Variants in ATL1 observed in about 807,000 individuals in gnomAD.
ATL1 encodes the protein atlastin GTPase 1.
Under a neutral mutation model 75.5 loss-of-function variants are expected in ATL1, and 31 were observed. That is an observed-to-expected ratio of 0.41 (90% CI 0.31 to 0.55). ATL1 has a LOEUF of 0.55. Among genes scored for constraint, ATL1 ranks in the 20% least tolerant of loss-of-function variants. The pLI, the probability that ATL1 is intolerant of heterozygous loss-of-function variation, is 0.27. For missense variants in ATL1, 405 were observed against 662.6 expected, an observed-to-expected ratio of 0.61 and a Z score of 4.27; for synonymous variants, 226 against 233.3, an observed-to-expected ratio of 0.97 and a Z score of 0.28.
intron 6 of ATL1, among the ~76,000 whole-genome samples, chr14:50,601,591 C>A (rs2039272325): frequency 6.6e-6 from 1 of 152,132 alleles, no homozygotes. Flanking sequence ...TTTTTTGCAA[C>A]CTCTAATGAG....
At chr14:50,611,227 A>G (rs913514024) in intron 6 of ATL1, among the ~76,000 whole-genome samples, 8 of 152,078 alleles carry the variant, frequency 5.3e-5, no homozygotes, top group African/African-American at 1.7e-4. Flanking sequence ...GACCTTTCCA[A>G]TTACAGAACC....
intron 1 of ATL1, among the ~76,000 whole-genome samples, chr14:50,536,171 G>A (rs768896123): frequency 2.0e-5 from 3 of 152,184 alleles, no homozygotes; most frequent in South Asian, 4.1e-4. Context: ...GAGGTCTGGC[G>A]CCATGGCCCA....
Position 50,632,571 on chromosome 14 carries a change from T to C in ATL1, c.*232T>C, listed in dbSNP as rs2039593417. 6 of 404,462 alleles carry C rather than the reference T, an allele frequency of 1.5e-5. No homozygotes were observed. Among genetic ancestry groups the C allele is most frequent in the Non-Finnish European group, 2.3e-5 (5 of 215,112 alleles). The allele number at this position is 404,462 out of a possible 1,614,324, so 25.1% of individuals were successfully genotyped here. A position where few individuals can be genotyped will look rare whatever the true frequency, so the allele number is the denominator to read the frequency against. ...CAATTTCCTGATTTTTCTTCAAAAA[T>C]GCTGTTATAAAGTATTTGTCTATTT... On this transcript the variant is annotated 3_prime_UTR_variant, in exon 14 of 14. Transcript: ENST00000358385.
At chr14:50,610,110 A>G (rs2039349974) in intron 6 of ATL1, among the ~76,000 whole-genome samples, 1 of 152,210 alleles carries the variant, frequency 6.6e-6, no homozygotes, top group East Asian at 1.9e-4. Flanking sequence ...CCCCTTAAGA[A>G]GAAAATGAAA....
chr14:50,599,501 G>C (rs1050609714), intron 6 of ATL1, among the ~76,000 whole-genome samples: 7 of 152,166 alleles, frequency 4.6e-5, no homozygotes, highest in African/African-American at 1.7e-4. Context: ...CCATGGAGCA[G>C]AGGAAATATA....
chr14:50,558,599 A>G (rs1237824162), upstream of ATL1, among the ~76,000 whole-genome samples: 1 of 152,228 alleles, frequency 6.6e-6, no homozygotes, highest in Non-Finnish European at 1.5e-5. Context: ...GTTTTTAAAA[A>G]ATTAATTTCT....
At chr14:50,539,942 C>T (rs1193410727) in intron 1 of ATL1, among the ~76,000 whole-genome samples, 1 of 152,134 alleles carries the variant, frequency 6.6e-6, no homozygotes, top group Non-Finnish European at 1.5e-5. Flanking sequence ...CTGTTATAGT[C>T]ATTCTGCTTA....
At chr14:50,617,427 G>A (rs1323503816) in intron 8 of ATL1, among the ~76,000 whole-genome samples, 1 of 152,156 alleles carries the variant, frequency 6.6e-6, no homozygotes, top group Non-Finnish European at 1.5e-5. Flanking sequence ...GAATGAGCAG[G>A]TAGCCACATT....
At chr14:50,583,089 G>A (rs915898130) in intron 1 of ATL1, among the ~76,000 whole-genome samples, 1 of 152,006 alleles carries the variant, frequency 6.6e-6, no homozygotes, top group African/African-American at 2.4e-5. Context: ...ACCAAACCAA[G>A]CCCAACAAAA....
intron 6 of ATL1, among the ~76,000 whole-genome samples, chr14:50,598,429 C>G (rs778528481): frequency 6.6e-6 from 1 of 151,870 alleles, no homozygotes; most frequent in African/African-American, 2.4e-5. Flanking sequence ...GTCATGATCT[C>G]GGCTCACTAC....
chr14:50,547,569 T>C (rs960150576), intron 1 of ATL1, among the ~76,000 whole-genome samples: 2 of 152,172 alleles, frequency 1.3e-5, no homozygotes. Flanking sequence ...GATTCTGAGA[T>C]CACCCAAACA....
intron 1 of ATL1, among the ~76,000 whole-genome samples, chr14:50,575,040 A>G (rs913926090): frequency 7.1e-6 from 1 of 140,570 alleles, no homozygotes; most frequent in Non-Finnish European, 1.5e-5. Context: ...CTGGTCCTTG[A>G]TTTAGGAAGG....
At chr14:50,603,109 A>G (rs1446815750) in intron 6 of ATL1, among the ~76,000 whole-genome samples, 4 of 152,028 alleles carry the variant, frequency 2.6e-5, no homozygotes, top group Non-Finnish European at 5.9e-5. Flanking sequence ...ATAGGAAAGT[A>G]GGAAGCATAA....
intron 6 of ATL1, among the ~76,000 whole-genome samples, chr14:50,608,617 T>G (rs2039336163): frequency 6.6e-6 from 1 of 152,010 alleles, no homozygotes; most frequent in Admixed American, 6.6e-5. Flanking sequence ...ACTTTATATT[T>G]GCTTCTATAC....
At chr14:50,538,163 C>G (rs2038517424) in intron 1 of ATL1, among the ~76,000 whole-genome samples, 1 of 152,156 alleles carries the variant, frequency 6.6e-6, no homozygotes, top group East Asian at 1.9e-4. Flanking sequence ...GTGAATAAGT[C>G]TCATGAGATC....
At chr14:50,608,079 C>T (rs1305484755) in intron 6 of ATL1, among the ~76,000 whole-genome samples, 1 of 152,072 alleles carries the variant, frequency 6.6e-6, no homozygotes, top group Non-Finnish European at 1.5e-5. Flanking sequence ...AGTATAGGTC[C>T]ATCATTTGAC....
chr14:50,619,379 T>C (rs1213758435), intron 8 of ATL1, among the ~76,000 whole-genome samples: 1 of 152,020 alleles, frequency 6.6e-6, no homozygotes, highest in Non-Finnish European at 1.5e-5. Flanking sequence ...AATTTTTATA[T>C]CTTAATACAG....
At chr14:50,618,895 T>A (rs4322576) in intron 8 of ATL1, among the ~76,000 whole-genome samples, 74,023 of 150,520 alleles carry the variant, frequency 0.49, 19,169 homozygotes, top group East Asian at 0.73. Context: ...ATATATATTT[T>A]TTTTTCTTTC....
intron 6 of ATL1, among the ~76,000 whole-genome samples, chr14:50,607,055 C>T (rs887565196): frequency 6.6e-6 from 1 of 151,918 alleles, no homozygotes; most frequent in Non-Finnish European, 1.5e-5. Context: ...ATTAATTTAG[C>T]AACAAGAGCT....
Sources: allele counts gnomAD v4.1 joint callset (sites outside exome capture counted in the v4.1 genomes callset), GRCh38; gene constraint gnomAD v4.1.1; transcripts MANE v1.5; gene names NCBI Gene and HGNC (gene_info 2026-07-23, HGNC 2026-07-21).